Variants in TCOF1 observed in about 807,000 individuals in gnomAD.
TCOF1 encodes the protein treacle protein.
TCOF1 carries 33 observed loss-of-function variants against 149.0 expected under a neutral mutation model. The observed-to-expected ratio is 0.22, with a 90% CI of 0.17 to 0.30. The LOEUF (loss-of-function observed/expected upper bound fraction) is 0.30, where lower values mean the gene tolerates loss of function less well. TCOF1 is among the 10% of genes least tolerant of loss of function. The probability of loss-of-function intolerance (pLI) is 1.00; values close to 1 mark genes in which losing one functional copy is unlikely to be tolerated. For synonymous variants in TCOF1, 789 were observed against 738.8 expected (o/e 1.07, Z -1.10); for missense variants, 1,728 against 1,840.7 (o/e 0.94, Z 1.12).
chr5:150,367,680 G>A, intron 3 of TCOF1, 164 bp from the exon 4 acceptor site: 1 of 727,186 alleles, frequency 1.4e-6, no homozygotes, highest in South Asian at 1.5e-5. Flanking sequence ...CCTGGCTGAT[G>A]CATCACAGAG....
At chr5:150,392,427 C>T in intron 21 of TCOF1, 1 of 609,914 alleles carries the variant, frequency 1.6e-6, no homozygotes, top group South Asian at 2.0e-5. Context: ...CCCAAAAACT[C>T]CAGGGCCATG....
At chr5:150,399,549 C>G (rs967349992) in intron 26 of TCOF1, among the ~76,000 whole-genome samples, 2 of 152,168 alleles carry the variant, frequency 1.3e-5, no homozygotes, top group African/African-American at 2.4e-5. Flanking sequence ...GCTGCTCCAC[C>G]TGGCTCTGCT....
intron 3 of TCOF1, among the ~76,000 whole-genome samples, chr5:150,365,861 C>G (rs568255367): frequency 3.2e-4 from 48 of 151,540 alleles, no homozygotes; most frequent in African/African-American, 1.1e-3. Context: ...TCACACCCAC[C>G]GGTAATCCCA....
At chr5:150,398,491 C>G (rs1769054908) in intron 25 of TCOF1, 40 bp downstream of exon 25, 1 of 1,613,482 alleles carries the variant, frequency 6.2e-7, no homozygotes, top group East Asian at 2.2e-5. Flanking sequence ...GAAAACAGAC[C>G]CAAACCCAAG....
intron 17 of TCOF1, chr5:150,384,511 G>A (rs1765873810): frequency 3.3e-5 from 33 of 985,488 alleles, no homozygotes; most frequent in Non-Finnish European, 4.0e-5. Flanking sequence ...CTCTGGCTCT[G>A]TGTGGAGCCT....
intron 7 of TCOF1, 50 bp from the exon 8 acceptor site, chr5:150,374,124 C>G (rs1345014519): frequency 6.4e-7 from 1 of 1,572,394 alleles, no homozygotes; most frequent in Non-Finnish European, 8.7e-7. Context: ...AAGGCATCAC[C>G]AGAGAGTTTT....
intron 1 of TCOF1, among the ~76,000 whole-genome samples, chr5:150,359,079 G>A (rs1759383048): frequency 6.6e-6 from 1 of 152,028 alleles, no homozygotes; most frequent in African/African-American, 2.4e-5. Context: ...AGGTACGGTA[G>A]CTCACGCCTG....
rs143479601 is a variant in TCOF1, at chr5:150,397,254, C to T, written c.4345+412C>T. 9.9e-5 allele frequency among the ~76,000 whole-genome samples: 15 copies of T among 151,650 alleles called. No individual in the cohort carries two copies. The East Asian group carries it at 2.9e-3, about 29-fold the overall frequency. On this transcript the variant is annotated intron_variant, in intron 24 of 26. Coordinates refer to ENST00000643257, the MANE Select transcript of TCOF1 (RefSeq NM_001371623.1). ...CTCGATTCCAGAGCACTTGAGTCAG[C>T]ACTGCCAGGAATGCTCCAGAAGGAC...
At chr5:150,382,921 A>G (rs1765519411) in intron 17 of TCOF1, 2 of 634,878 alleles carry the variant, frequency 3.2e-6, no homozygotes, top group South Asian at 2.0e-5. Context: ...GCCAGCAGGT[A>G]TCCCTGTGCA....
chr5:150,392,270 G>A, intron 21 of TCOF1, 94 bp downstream of exon 21: 1 of 1,293,024 alleles, frequency 7.7e-7, no homozygotes, highest in East Asian at 2.4e-5. Flanking sequence ...CCATATCTCA[G>A]ACTCATTCTG....
intron 3 of TCOF1, chr5:150,367,490 G>A (rs1266641993): frequency 5.9e-6 from 2 of 341,304 alleles, no homozygotes; most frequent in Admixed American, 3.9e-5. Flanking sequence ...CTACAGTGTG[G>A]TGGCCTGTGT....
chr5:150,390,274 G>T (rs1283366702), intron 19 of TCOF1, among the ~76,000 whole-genome samples: 1 of 152,220 alleles, frequency 6.6e-6, no homozygotes. Context: ...AGTCCCTCAT[G>T]AGATTTTCCA....
chr5:150,397,326 A>G (rs1322791093), intron 24 of TCOF1, among the ~76,000 whole-genome samples: 1 of 152,084 alleles, frequency 6.6e-6, no homozygotes, highest in Non-Finnish European at 1.5e-5. Flanking sequence ...CAGATCTTGG[A>G]GGAACCTGCT....
intron 17 of TCOF1, among the ~76,000 whole-genome samples, chr5:150,381,672 T>A (rs966130509): frequency 1.3e-5 from 2 of 152,256 alleles, no homozygotes; most frequent in Non-Finnish European, 2.9e-5. Context: ...TGTAGTTTTT[T>A]TGTTTTTAAG....
intron 7 of TCOF1, among the ~76,000 whole-genome samples, 191 bp from the exon 8 acceptor site, chr5:150,373,983 A>T (rs766692275): frequency 1.2e-4 from 19 of 152,078 alleles, no homozygotes; most frequent in Non-Finnish European, 1.9e-4. Flanking sequence ...CAGGAGTGAG[A>T]GTGTGTGAAG....
intron 17 of TCOF1, chr5:150,383,600 T>C (rs898492874): frequency 4.1e-5 from 37 of 907,054 alleles, no homozygotes; most frequent in Non-Finnish European, 6.1e-5. Flanking sequence ...GGGCAGGGAG[T>C]GTTGCCCCAT....
In TCOF1 at chr5:150,368,856, TGAG is replaced by T. The variant is rs767850463; in HGVS notation, c.527_529del (p.Glu176del). 7.4e-6 allele frequency: 12 copies of T among 1,613,926 alleles called. No individual in the cohort carries two copies. Among genetic ancestry groups the T allele is most frequent in the African/African-American group, 4.0e-5 (3 of 75,040 alleles). On this transcript the variant is annotated inframe_deletion, in exon 5 of 27. Coordinates refer to ENST00000643257, the MANE Select transcript of TCOF1 (RefSeq NM_001371623.1). ...CAAATACTACGTTGGTCTCAGAAAC[TGAG>T]GAGGAGGGCAGCGTCCCGGCCTTTG...
intron 17 of TCOF1, chr5:150,383,717 ATC>A (rs1245263639): frequency 5.8e-6 from 9 of 1,551,602 alleles, no homozygotes; most frequent in South Asian, 1.2e-5. Context: ...GGCTCCCTGT[ATC>A]TCTCTGTTTT....
At position 150,379,264 on chromosome 5, in the gene TCOF1, C is replaced by T. The variant is rs1764485543; in HGVS notation, c.2514C>T (p.Thr838=). 3.7e-6 allele frequency: 6 copies of T among 1,614,180 alleles called. No individual in the cohort carries two copies. The Middle Eastern group carries it at 8.2e-4, about 222-fold the overall frequency. ...CAGTGAGAAACCCCCAGAACAGTAC[C>T]GTCTTGGCGAGGGGCCCAGCATCTG... is the stretch of plus-strand genomic sequence containing the variant. ...KPPVRNPQNS[T]VLARGPASVP... is the part of the protein sequence containing the mutation. Residue 838 remains threonine (T), a synonymous_variant, in exon 16 of 27, where the codon ACC becomes ACT. Transcript: ENST00000643257.
Sources: allele counts gnomAD v4.1 joint callset (sites outside exome capture counted in the v4.1 genomes callset), GRCh38; gene constraint gnomAD v4.1.1; transcripts MANE v1.5; gene names NCBI Gene and HGNC (gene_info 2026-07-23, HGNC 2026-07-21).